PTPRN2: variants seen among roughly 807,000 people sequenced by gnomAD.
PTPRN2 encodes the protein receptor-type tyrosine-protein phosphatase N2.
In PTPRN2, 74 loss-of-function variants were observed where a neutral mutation model predicts 118.8. The ratio of observed to expected loss-of-function variants is 0.62; its 90% CI spans 0.52 to 0.76. The LOEUF (loss-of-function observed/expected upper bound fraction) is 0.76. PTPRN2 is among the 30% of genes least tolerant of loss of function. The pLI is 0.00. For synonymous variants in PTPRN2, 641 were observed against 608.0 expected (o/e 1.05, Z -0.80); for missense variants, 1,481 against 1,394.4 (o/e 1.06, Z -0.99).
Position 158,227,092 on chromosome 7 carries a change from G to A in PTPRN2, c.278-21819C>T, listed in dbSNP as rs75833406. On this transcript the variant is annotated intron_variant, in intron 3 of 22. Coordinates refer to ENST00000389418, the MANE Select transcript of PTPRN2 (RefSeq NM_002847.5). ...AGGCCTCAGAGCTACTCATCAGAGA[G>A]TGCACTGTGCGTGGATAAATGGGAG... Among the ~76,000 whole-genome samples, 850 of 152,234 alleles carry A rather than the reference G, an allele frequency of 5.6e-3. 5 individuals carry two copies. The highest frequency in any genetic ancestry group is 0.019 in the African/African-American group (795 of 41,534).
In PTPRN2 at chr7:158,019,095, G is replaced by A. The variant is rs1041060354; in HGVS notation, c.1723+62203C>T. 6.6e-5 allele frequency among the ~76,000 whole-genome samples: 10 copies of A among 151,884 alleles called. No individual in the cohort carries two copies. The East Asian group carries it at 1.7e-3, about 27-fold the overall frequency. On this transcript the variant is annotated intron_variant, in intron 11 of 22. Coordinates refer to ENST00000389418, the MANE Select transcript of PTPRN2 (RefSeq NM_002847.5). ...CGCTAGCATGAGATACCGTGTAACTGTACTGGGTCTGGATCCCCCACGGAA... is the reference window on the plus strand; with the variant it reads ...CGCTAGCATGAGATACCGTGTAACTATACTGGGTCTGGATCCCCCACGGAA...
rs78774372 is a variant in PTPRN2, at chr7:158,175,640, G to A, written c.550-8349C>T. Among the ~76,000 whole-genome samples the A allele has an allele frequency of 8.3e-3, 1,262 of 152,262 alleles. 21 individuals carry two copies. Among genetic ancestry groups the A allele is most frequent in the African/African-American group, 0.028 (1,183 of 41,542 alleles). On this transcript the variant is annotated intron_variant, in intron 5 of 22. Transcript: ENST00000389418. ...AACTTTTTTGCATTCAGGGAAGCAG[G>A]GGGGTCTCACACGAGCGTATACGGT... is the stretch of plus-strand genomic sequence containing the variant.
chr7:157,870,003 G>T (rs974404503), intron 12 of PTPRN2, among the ~76,000 whole-genome samples: 2 of 152,086 alleles, frequency 1.3e-5, no homozygotes, highest in African/African-American at 4.8e-5. Context: ...GGTTGTGCTT[G>T]GTCATCAGGA....
chr7:157,565,155 G>A (rs1799421350), intron 21 of PTPRN2, among the ~76,000 whole-genome samples: 1 of 152,236 alleles, frequency 6.6e-6, no homozygotes, highest in Non-Finnish European at 1.5e-5. Flanking sequence ...CGTAGGCAAG[G>A]AGATGTGTAT....
intron 11 of PTPRN2, among the ~76,000 whole-genome samples, chr7:158,000,375 C>CA (rs1805124591): frequency 6.6e-6 from 1 of 151,852 alleles, no homozygotes; most frequent in Non-Finnish European, 1.5e-5. Flanking sequence ...CAGGGCCATG[C>CA]TTGGTTTCAG....
At chr7:158,151,650 C>T (rs62480243) in intron 6 of PTPRN2, among the ~76,000 whole-genome samples, 266 of 152,222 alleles carry the variant, frequency 1.7e-3, no homozygotes, top group East Asian at 8.5e-3. Flanking sequence ...AATACTCCCC[C>T]GCCCCCTCCT....
At chr7:158,494,208 C>G (rs1260303393) in intron 1 of PTPRN2, among the ~76,000 whole-genome samples, 2 of 152,238 alleles carry the variant, frequency 1.3e-5, no homozygotes, top group Non-Finnish European at 2.9e-5. Context: ...TCGGCACATC[C>G]TGTACCACAT....
rs185514524 is a variant in PTPRN2 at position 157,964,857 on chromosome 7, C to A, written c.1724-66120G>T. On this transcript the variant is annotated intron_variant, in intron 11 of 22. Transcript: ENST00000389418. The surrounding 1 kb of genome is among the most constrained non-coding windows in gnomAD (Gnocchi z 9.0). ...CCTCCTCTTGCCCCAATTTCTCCAC[C>A]GCACAGACTCGCCAGGGCTTTGGTT... Among the ~76,000 whole-genome samples the A allele has an allele frequency of 6.6e-6, 1 of 152,236 alleles. No individual in the cohort carries two copies. Among genetic ancestry groups the A allele is most frequent in the Non-Finnish European group, 1.5e-5 (1 of 68,046 alleles).
chr7:158,045,590 T>C (rs562548488), intron 11 of PTPRN2, among the ~76,000 whole-genome samples: 4 of 152,318 alleles, frequency 2.6e-5, no homozygotes, highest in East Asian at 1.9e-4. Flanking sequence ...ATTTCAGAGA[T>C]TGTTTAGCAC....
intron 1 of PTPRN2, among the ~76,000 whole-genome samples, chr7:158,538,980 T>C (rs1825812541): frequency 6.6e-6 from 1 of 152,224 alleles, no homozygotes; most frequent in Non-Finnish European, 1.5e-5. Flanking sequence ...CCCCCAGGGC[T>C]CAGCTCTCCA....
rs573326380 is a variant in PTPRN2 at position 158,348,302 on chromosome 7, C to T, written c.164-31370G>A. On this transcript the variant is annotated intron_variant, in intron 2 of 22. Transcript: ENST00000389418. ...CACAGCCCCAGAGCCACCCTGGGTT[C>T]CCCATTCACAGCCCCAGAGCCACCC... Among the ~76,000 whole-genome samples the T allele has an allele frequency of 8.3e-5, 12 of 144,356 alleles. 1 individual carries two copies. In the South Asian group the frequency reaches 2.5e-3, roughly 30 times the overall value. The allele number at this position is 144,356 out of a possible 152,430, so 94.7% of individuals were successfully genotyped here.
intron 11 of PTPRN2, among the ~76,000 whole-genome samples, chr7:157,911,566 A>G (rs1798109450): frequency 6.6e-6 from 1 of 152,210 alleles, no homozygotes; most frequent in Non-Finnish European, 1.5e-5. Context: ...TTTATATTCC[A>G]TTAAATATTA....
chr7:157,988,839 C>T lies in PTPRN2; in HGVS notation c.1724-90102G>A, dbSNP rs369822438. 1.6e-4 allele frequency among the ~76,000 whole-genome samples: 25 copies of T among 152,362 alleles called. No individual in the cohort carries two copies. In the South Asian group the frequency reaches 4.1e-3, roughly 25 times the overall value. ...CTGCTCTGGGCAGCATCGCCACACCCGTGTCCCATTCTTGGGGTGCATCCC... is the reference window on the plus strand; with the variant it reads ...CTGCTCTGGGCAGCATCGCCACACCTGTGTCCCATTCTTGGGGTGCATCCC... On this transcript the variant is annotated intron_variant, in intron 11 of 22. Transcript: ENST00000389418.
intron 3 of PTPRN2, among the ~76,000 whole-genome samples, chr7:158,218,733 G>A (rs1828135559): frequency 6.6e-6 from 1 of 152,170 alleles, no homozygotes; most frequent in Non-Finnish European, 1.5e-5. Flanking sequence ...TAAAGGGATG[G>A]AGAAAGATCT....
chr7:157,602,018 G>A (rs1271364812), intron 16 of PTPRN2, among the ~76,000 whole-genome samples: 1 of 152,224 alleles, frequency 6.6e-6, no homozygotes, highest in Non-Finnish European at 1.5e-5. Context: ...GCTTTGGTTT[G>A]ATGTTTTTGA....
chr7:157,987,455 G>A lies in PTPRN2; in HGVS notation c.1724-88718C>T, dbSNP rs1218009552. Among the ~76,000 whole-genome samples, 5 of 152,090 alleles carry A rather than the reference G, an allele frequency of 3.3e-5. No homozygotes were observed. The highest frequency in any genetic ancestry group is 1.2e-4 in the African/African-American group (5 of 41,412). ...CGGGGTGAGATGACAGGTCATTAAT[G>A]GGGGCGTAGTGTCCGGTCACTAATA... On this transcript the variant is annotated intron_variant, in intron 11 of 22. Coordinates refer to ENST00000389418, the MANE Select transcript of PTPRN2 (RefSeq NM_002847.5). The surrounding 1 kb of genome is among the most constrained non-coding windows in gnomAD (Gnocchi z 4.3).
Position 158,387,297 on chromosome 7 carries a change from T to G in PTPRN2, c.164-70365A>C, listed in dbSNP as rs561467072. Among the ~76,000 whole-genome samples, 10 of 152,270 alleles carry G rather than the reference T, an allele frequency of 6.6e-5. No homozygotes were observed. The South Asian group carries it at 1.7e-3, about 25-fold the overall frequency. ...ACAGATGCCCAATTCACATAGACACTGAAATCACATCTGCAAGCCAAATAG... is the reference window on the plus strand; with the variant it reads ...ACAGATGCCCAATTCACATAGACACGGAAATCACATCTGCAAGCCAAATAG... On this transcript the variant is annotated intron_variant, in intron 2 of 22. Coordinates refer to ENST00000389418, the MANE Select transcript of PTPRN2 (RefSeq NM_002847.5).
intron 14 of PTPRN2, among the ~76,000 whole-genome samples, chr7:157,634,348 T>C (rs1190000841): frequency 6.6e-6 from 1 of 152,230 alleles, no homozygotes; most frequent in East Asian, 1.9e-4. Flanking sequence ...CTTCATGCTT[T>C]TGTTACATGG....
chr7:158,398,626 G>A (rs962297582), intron 2 of PTPRN2, among the ~76,000 whole-genome samples: 2 of 152,198 alleles, frequency 1.3e-5, no homozygotes, highest in African/African-American at 2.4e-5. Flanking sequence ...TTGGGGAAAT[G>A]AGCAAACCTC....
Sources: allele counts gnomAD v4.1 joint callset (sites outside exome capture counted in the v4.1 genomes callset), GRCh38; gene constraint gnomAD v4.1.1; non-coding constraint Gnocchi (gnomAD v3.1); transcripts MANE v1.5; gene names NCBI Gene and HGNC (gene_info 2026-07-23, HGNC 2026-07-21).